Variants in PRKG1 observed in about 807,000 individuals in gnomAD.
PRKG1 encodes the protein protein kinase cGMP-dependent 1.
PRKG1 carries 35 observed loss-of-function variants against 88.1 expected under a neutral mutation model. The observed-to-expected ratio is 0.40, with a 90% confidence interval of 0.30 to 0.53. The LOEUF is 0.53. PRKG1 is among the 20% of genes least tolerant of loss of function. The pLI is 0.59. For missense variants in PRKG1, 540 were observed against 839.8 expected (o/e 0.64, Z 4.41); for synonymous variants, 303 against 292.5 (o/e 1.04, Z -0.37).
intron 3 of PRKG1, among the ~76,000 whole-genome samples, chr10:51,802,832 C>T (rs1839209511): frequency 6.6e-6 from 1 of 152,126 alleles, no homozygotes; most frequent in Non-Finnish European, 1.5e-5. Flanking sequence ...CGAACTCAGA[C>T]TTAAAATGCT....
chr10:52,157,319 ATATATATATATATATATATG>A (rs1442472667), intron 8 of PRKG1, among the ~76,000 whole-genome samples: 3 of 43,764 alleles, frequency 6.9e-5, no homozygotes, highest in Admixed American at 3.9e-4. Context: ...ATATATATAT[ATATATATATATATATATATG>A]TATATATATG....
chr10:51,278,601 G>T (rs1840200887), intron 2 of PRKG1, among the ~76,000 whole-genome samples: 2 of 152,098 alleles, frequency 1.3e-5, no homozygotes. Flanking sequence ...TTTTTGGTTG[G>T]TAGGCTATTA....
chr10:51,126,106 TA>T (rs1265609323), intron 1 of PRKG1, among the ~76,000 whole-genome samples: 1 of 77,356 alleles, frequency 1.3e-5, no homozygotes, highest in African/African-American at 4.4e-5. Flanking sequence ...ATATACTATA[TA>T]TAATTATATA....
chr10:51,812,340 C>G (rs984605294), intron 4 of PRKG1, among the ~76,000 whole-genome samples: 1 of 152,150 alleles, frequency 6.6e-6, no homozygotes, highest in Non-Finnish European at 1.5e-5. Flanking sequence ...GTGAATACGA[C>G]AAACGTGGCA....
At chr10:52,282,878 G>A (rs1842030708) in intron 14 of PRKG1, among the ~76,000 whole-genome samples, 1 of 152,040 alleles carries the variant, frequency 6.6e-6, no homozygotes, top group Admixed American at 6.6e-5. Context: ...AGTGACAGGG[G>A]TGTTATGACC....
chr10:51,292,375 G>A (rs1442933247), intron 2 of PRKG1, among the ~76,000 whole-genome samples: 1 of 152,084 alleles, frequency 6.6e-6, no homozygotes, highest in Non-Finnish European at 1.5e-5. Flanking sequence ...GAATGGGTGA[G>A]ACTTGTCCGA....
At chr10:51,756,848 TA>T (rs1313616550) in intron 3 of PRKG1, among the ~76,000 whole-genome samples, 1 of 151,332 alleles carries the variant, frequency 6.6e-6, no homozygotes, top group African/African-American at 2.4e-5. Flanking sequence ...AAATAATAAT[TA>T]AAAAATAAAA....
At chr10:52,292,306 C>T (rs922204583) in intron 17 of PRKG1, among the ~76,000 whole-genome samples, 1 of 151,740 alleles carries the variant, frequency 6.6e-6, no homozygotes, top group African/African-American at 2.4e-5. Context: ...GTTGCCATTG[C>T]TTTTGGTGTT....
intron 2 of PRKG1, among the ~76,000 whole-genome samples, chr10:51,385,980 AATC>A (rs957456368): frequency 1.3e-5 from 2 of 152,192 alleles, no homozygotes; most frequent in African/African-American, 2.4e-5. Flanking sequence ...GAGTAGAAAG[AATC>A]ATGAGTTAAA....
At chr10:52,128,258 A>G in intron 7 of PRKG1, 2 of 985,438 alleles carry the variant, frequency 2.0e-6, no homozygotes, top group Non-Finnish European at 2.4e-6. Context: ...GACTCTGTGG[A>G]CAGCAGTCAT....
At chr10:51,543,225 A>G (rs960357170) in intron 3 of PRKG1, among the ~76,000 whole-genome samples, 4 of 152,232 alleles carry the variant, frequency 2.6e-5, no homozygotes, top group African/African-American at 7.2e-5. Flanking sequence ...TAAACATTAC[A>G]GTAATTCATG....
intron 2 of PRKG1, among the ~76,000 whole-genome samples, chr10:51,273,289 T>C (rs1008937163): frequency 2.7e-5 from 4 of 150,916 alleles, no homozygotes; most frequent in African/African-American, 9.8e-5. Flanking sequence ...GGAAGGAGGA[T>C]TGCTGGAGCC....
intron 5 of PRKG1, among the ~76,000 whole-genome samples, chr10:52,013,950 G>C (rs1278445889): frequency 6.6e-6 from 1 of 152,044 alleles, no homozygotes; most frequent in Non-Finnish European, 1.5e-5. Context: ...TGGACTCACT[G>C]CCCTTATATT....
At chr10:51,781,441 C>T (rs977180119) in intron 3 of PRKG1, among the ~76,000 whole-genome samples, 29 of 152,154 alleles carry the variant, frequency 1.9e-4, no homozygotes, top group African/African-American at 7.0e-4. Flanking sequence ...TACAGTTATC[C>T]CAGATTACCT....
intron 7 of PRKG1, among the ~76,000 whole-genome samples, chr10:52,079,507 C>T (rs1292772800): frequency 1.3e-5 from 2 of 152,168 alleles, no homozygotes; most frequent in Non-Finnish European, 1.5e-5. Flanking sequence ...ACCTGAGACT[C>T]GTGACTTCTG....
intron 2 of PRKG1, among the ~76,000 whole-genome samples, chr10:51,349,053 C>T (rs1842179123): frequency 6.6e-6 from 1 of 152,128 alleles, no homozygotes; most frequent in Admixed American, 6.5e-5. Context: ...CTGGTGTGCC[C>T]AAGTGTTGTC....
chr10:51,737,931 T>A (rs62813063), intron 3 of PRKG1, among the ~76,000 whole-genome samples: 2 of 129,536 alleles, frequency 1.5e-5, no homozygotes, highest in Non-Finnish European at 3.4e-5. Flanking sequence ...GCCTGGCTAA[T>A]TTTTTTTTGT....
rs985017100 is a variant in PRKG1, at chr10:51,659,536, C to A, written c.593-145049C>A. 7.4e-4 allele frequency among the ~76,000 whole-genome samples: 112 copies of A among 152,172 alleles called. 1 individual carries two copies. The highest frequency in any genetic ancestry group is 3.9e-3 in the South Asian group (19 of 4,828). On this transcript the variant is annotated intron_variant, in intron 3 of 17. Transcript: ENST00000373980. ...GATGTGATGACTAAAAGGCTTGACT[C>A]AGTCCATTGGAAATATGAGACTAAA... is the stretch of plus-strand genomic sequence containing the variant.
chr10:52,127,758 G>T (rs1023155068), intron 7 of PRKG1, among the ~76,000 whole-genome samples: 1 of 152,050 alleles, frequency 6.6e-6, no homozygotes, highest in African/African-American at 2.4e-5. Flanking sequence ...ATGATTAGAA[G>T]GTATATAATT....
Sources: allele counts gnomAD v4.1 joint callset (sites outside exome capture counted in the v4.1 genomes callset), GRCh38; gene constraint gnomAD v4.1.1; transcripts MANE v1.5; gene names NCBI Gene and HGNC (gene_info 2026-07-23, HGNC 2026-07-21).